DLC1: variants seen among roughly 807,000 people sequenced by gnomAD.
DLC1 encodes the protein DLC1 Rho GTPase activating protein, also known as rho GTPase-activating protein 7.
A neutral mutation model predicts 140.3 loss-of-function variants in DLC1; 54 were observed. That is an observed-to-expected ratio of 0.38 (90% CI 0.31 to 0.48). DLC1 has a LOEUF of 0.48. Among genes scored for constraint, DLC1 ranks in the 20% least tolerant of loss-of-function variants. The pLI, the probability that DLC1 is intolerant of heterozygous loss-of-function variation, is 0.96. For synonymous variants in DLC1, 986 were observed against 728.1 expected (o/e 1.35, Z -5.70); for missense variants, 2,536 against 1,907.0 (o/e 1.33, Z -6.14).
intron 2 of DLC1, among the ~76,000 whole-genome samples, chr8:13,402,758 A>G (rs780802651): frequency 1.3e-5 from 2 of 152,204 alleles, no homozygotes; most frequent in Non-Finnish European, 2.9e-5. Flanking sequence ...GATGGCCTGA[A>G]TCACAACTTC....
At chr8:13,330,958 G>C (rs556831135) in intron 4 of DLC1, among the ~76,000 whole-genome samples, 13 of 152,212 alleles carry the variant, frequency 8.5e-5, no homozygotes, top group Admixed American at 4.6e-4. Context: ...ATAATGGATA[G>C]ACATGAAGAG....
At chr8:13,516,661 A>T (rs1284286584), upstream of DLC1, among the ~76,000 whole-genome samples, 3 of 152,240 alleles carry the variant, frequency 2.0e-5, no homozygotes, top group African/African-American at 7.2e-5. Flanking sequence ...ATTGACTAAA[A>T]ACATGAGCAT....
At chr8:13,444,260 T>G (rs1798677782) in intron 2 of DLC1, among the ~76,000 whole-genome samples, 1 of 152,108 alleles carries the variant, frequency 6.6e-6, no homozygotes. Flanking sequence ...TGAGAACACT[T>G]GGACACAGGG....
chr8:13,563,882 G>A (rs1804332329), intron 1 of DLC1, among the ~76,000 whole-genome samples: 1 of 151,996 alleles, frequency 6.6e-6, no homozygotes, highest in African/African-American at 2.4e-5. Flanking sequence ...ACAATGAATG[G>A]AAAGGTTCAT....
chr8:13,110,294 C>T (rs144506129), intron 7 of DLC1, among the ~76,000 whole-genome samples: 44 of 152,218 alleles, frequency 2.9e-4, no homozygotes, highest in African/African-American at 9.9e-4. Context: ...TATTTTATAG[C>T]CTTATTTCGT....
At chr8:13,117,642 C>G (rs58553373) in intron 5 of DLC1, among the ~76,000 whole-genome samples, 2,021 of 152,326 alleles carry the variant, frequency 0.013, 41 homozygotes, top group African/African-American at 0.046. Flanking sequence ...GACTGTTAGA[C>G]ATTGAACAAT....
chr8:13,197,046 G>A lies in DLC1; in HGVS notation c.1349-81389C>T, dbSNP rs192422286. Among the ~76,000 whole-genome samples, 509 of 152,298 alleles carry A rather than the reference G, an allele frequency of 3.3e-3. 5 individuals are homozygous for A. The highest frequency in any genetic ancestry group is 0.012 in the African/African-American group (484 of 41,560). ...GTAGTTGTTTTTCTGATGAATGAAT[G>A]AATGAGAACCTATATTGCTTCCTGT... On this transcript the variant is annotated intron_variant, in intron 5 of 17. Coordinates refer to ENST00000276297, the MANE Select transcript of DLC1 (RefSeq NM_182643.3).
intron 5 of DLC1, among the ~76,000 whole-genome samples, chr8:13,239,815 C>T (rs547320809): frequency 5.8e-4 from 88 of 152,130 alleles, no homozygotes; most frequent in Middle Eastern, 6.8e-3. Flanking sequence ...GAATTGTAAC[C>T]CAGATAGAAA....
intron 5 of DLC1, among the ~76,000 whole-genome samples, chr8:13,284,540 T>TA (rs1831475225): frequency 6.6e-6 from 1 of 151,154 alleles, no homozygotes; most frequent in African/African-American, 2.4e-5. Context: ...AAAAAGTGAA[T>TA]AAAAAATAAA....
chr8:13,420,543 T>A (rs926743437), intron 2 of DLC1, among the ~76,000 whole-genome samples: 3 of 152,128 alleles, frequency 2.0e-5, no homozygotes, highest in Admixed American at 6.6e-5. Context: ...TTTGTCCTAA[T>A]GCTCTCCCTT....
At chr8:13,587,416 G>C (rs1020640767) in intron 1 of DLC1, among the ~76,000 whole-genome samples, 3 of 151,734 alleles carry the variant, frequency 2.0e-5, no homozygotes, top group Non-Finnish European at 4.4e-5. Flanking sequence ...TGGACCAAAT[G>C]ATAAATATAG....
intron 5 of DLC1, among the ~76,000 whole-genome samples, chr8:13,157,940 A>G (rs1563119891): frequency 6.6e-6 from 1 of 152,256 alleles, no homozygotes; most frequent in Non-Finnish European, 1.5e-5. Flanking sequence ...TTTACTCACT[A>G]GTTTACAGTA....
chr8:13,413,255 G>GTTTT (rs1461897724), intron 2 of DLC1, among the ~76,000 whole-genome samples: 7 of 30,134 alleles, frequency 2.3e-4, no homozygotes, highest in Admixed American at 4.0e-4. Flanking sequence ...ATTTTTTTGC[G>GTTTT]ATTTTTTTTT....
intron 1 of DLC1, among the ~76,000 whole-genome samples, chr8:13,531,694 A>G (rs1803103569): frequency 6.6e-6 from 1 of 152,208 alleles, no homozygotes; most frequent in Non-Finnish European, 1.5e-5. Context: ...TCTCTTGCTA[A>G]TAAATTTCCT....
chr8:13,369,190 A>G (rs1835621457), intron 4 of DLC1, among the ~76,000 whole-genome samples: 2 of 152,124 alleles, frequency 1.3e-5, no homozygotes, highest in African/African-American at 4.8e-5. Context: ...AAGTGCCTAC[A>G]GGCCTAGAGA....
intron 1 of DLC1, among the ~76,000 whole-genome samples, chr8:13,580,851 G>A (rs1805069099): frequency 1.3e-5 from 2 of 152,290 alleles, no homozygotes; most frequent in South Asian, 4.1e-4. Flanking sequence ...AAGCGGGACA[G>A]CCTCTAAAAA....
At chr8:13,243,683 T>C (rs1255886160) in intron 5 of DLC1, among the ~76,000 whole-genome samples, 2 of 152,206 alleles carry the variant, frequency 1.3e-5, no homozygotes, top group Non-Finnish European at 2.9e-5. Context: ...GTATTTGAGT[T>C]CCACTTTCTC....
chr8:13,310,820 C>T lies in DLC1; in HGVS notation c.1315-5518G>A, dbSNP rs190112609. 5.5e-3 allele frequency among the ~76,000 whole-genome samples: 840 copies of T among 152,258 alleles called. 3 individuals carry two copies. Among genetic ancestry groups the T allele is most frequent in the Non-Finnish European group, 8.0e-3 (541 of 68,018 alleles). On this transcript the variant is annotated intron_variant, in intron 4 of 17. Coordinates refer to ENST00000276297, the MANE Select transcript of DLC1 (RefSeq NM_182643.3). ...CTAGCTTTGACAGTCATCATTCTTT[C>T]ATTAAAAATATAGTCTCTTCTTGAT...
chr8:13,128,029 A>G (rs1024824856), intron 5 of DLC1, among the ~76,000 whole-genome samples: 1 of 151,948 alleles, frequency 6.6e-6, no homozygotes, highest in African/African-American at 2.4e-5. Context: ...GAGGAAAGTA[A>G]GTCTAGTAGA....
Sources: allele counts gnomAD v4.1 joint callset (sites outside exome capture counted in the v4.1 genomes callset), GRCh38; gene constraint gnomAD v4.1.1; transcripts MANE v1.5; gene names NCBI Gene and HGNC (gene_info 2026-07-23, HGNC 2026-07-21).